MDGA2: variants seen among roughly 807,000 people sequenced by gnomAD.
MDGA2 encodes the protein MAM domain containing glycosylphosphatidylinositol anchor 2, also known as MAM domain-containing glycosylphosphatidylinositol anchor protein 2.
A neutral mutation model predicts 117.8 loss-of-function variants in MDGA2; 40 were observed. The observed-to-expected ratio is 0.34, with a 90% CI of 0.26 to 0.44. The LOEUF is 0.44. MDGA2 is among the 20% of genes least tolerant of loss of function. MDGA2 has a pLI of 1.00. For missense variants in MDGA2, 1,123 were observed against 1,250.6 expected (o/e 0.90, Z 1.54); for synonymous variants, 452 against 439.0 (o/e 1.03, Z -0.37).
At chr14:47,321,448 G>A (rs1230522265) in intron 1 of MDGA2, among the ~76,000 whole-genome samples, 2 of 152,212 alleles carry the variant, frequency 1.3e-5, no homozygotes, top group Non-Finnish European at 2.9e-5. Flanking sequence ...AACATTGATT[G>A]CCCTAAAGGC....
chr14:47,506,752 C>T (rs1034465234), intron 1 of MDGA2, among the ~76,000 whole-genome samples: 23 of 152,140 alleles, frequency 1.5e-4, no homozygotes, highest in African/African-American at 4.3e-4. Flanking sequence ...GGGCAGCTCA[C>T]GCCTGTAATC....
At chr14:47,621,049 A>C (rs1897041093) in intron 1 of MDGA2, among the ~76,000 whole-genome samples, 1 of 152,114 alleles carries the variant, frequency 6.6e-6, no homozygotes, top group Non-Finnish European at 1.5e-5. Flanking sequence ...AATCCTTTGA[A>C]ATTTTGGTCA....
intron 1 of MDGA2, among the ~76,000 whole-genome samples, chr14:47,569,085 TTTG>T (rs1369259938): frequency 3.9e-5 from 6 of 152,194 alleles, no homozygotes; most frequent in African/African-American, 1.4e-4. Context: ...TGTGGAGTTT[TTTG>T]TTTTTAATAC....
chr14:47,669,799 C>A (rs1898042011), intron 1 of MDGA2, among the ~76,000 whole-genome samples: 1 of 152,028 alleles, frequency 6.6e-6, no homozygotes, highest in South Asian at 2.1e-4. Context: ...GACTAACACC[C>A]TAAATATGGT....
At chr14:47,567,638 C>T (rs1251646380) in intron 1 of MDGA2, among the ~76,000 whole-genome samples, 1 of 152,140 alleles carries the variant, frequency 6.6e-6, no homozygotes, top group Non-Finnish European at 1.5e-5. Context: ...TCTGGGGTAG[C>T]TGCTATCATC....
At chr14:47,416,256 C>T (rs899837997) in intron 1 of MDGA2, among the ~76,000 whole-genome samples, 1 of 151,880 alleles carries the variant, frequency 6.6e-6, no homozygotes, top group African/African-American at 2.4e-5. Flanking sequence ...CATGATACAA[C>T]AGTGAAACAG....
At chr14:46,897,072 T>C (rs2172237) in intron 10 of MDGA2, among the ~76,000 whole-genome samples, 87,767 of 151,998 alleles carry the variant, frequency 0.58, 27,784 homozygotes, top group Admixed American at 0.72. Context: ...AAATCGATAA[T>C]TGAACCAATC....
Position 47,152,311 on chromosome 14 carries a change from T to C in MDGA2, c.596-8037A>G, listed in dbSNP as rs189618759. ...GCCCAGTTTTACTTTGCAATATTTT[T>C]TTGAGTTTCTATTAATCTCAACATG... On this transcript the variant is annotated intron_variant, in intron 3 of 16. Transcript: ENST00000399232. Among the ~76,000 whole-genome samples, 57 of 152,292 alleles carry C rather than the reference T, an allele frequency of 3.7e-4. 1 individual carries two copies. The East Asian group carries it at 6.7e-3, about 18-fold the overall frequency.
intron 8 of MDGA2, among the ~76,000 whole-genome samples, chr14:47,030,687 T>C (rs761412125): frequency 2.0e-5 from 3 of 152,128 alleles, no homozygotes; most frequent in Non-Finnish European, 4.4e-5. Context: ...AAAAATTGTA[T>C]TATCATTCCA....
chr14:47,394,336 T>G (rs1344244994), intron 1 of MDGA2, among the ~76,000 whole-genome samples: 3 of 152,164 alleles, frequency 2.0e-5, no homozygotes, highest in Non-Finnish European at 4.4e-5. Context: ...CAAAGCTTCT[T>G]GACTTAGAAC....
intron 1 of MDGA2, among the ~76,000 whole-genome samples, chr14:47,321,491 C>T (rs1291120384): frequency 6.6e-6 from 1 of 152,188 alleles, no homozygotes; most frequent in African/African-American, 2.4e-5. Context: ...ACCTGCTCAG[C>T]TTGTCAACAT....
At chr14:47,363,928 G>T (rs1356263119) in intron 1 of MDGA2, among the ~76,000 whole-genome samples, 1 of 152,050 alleles carries the variant, frequency 6.6e-6, no homozygotes, top group Non-Finnish European at 1.5e-5. Flanking sequence ...CTTTTACTTT[G>T]CATTTTAAAA....
chr14:47,418,319 C>G (rs754092508), intron 1 of MDGA2, among the ~76,000 whole-genome samples: 1 of 151,980 alleles, frequency 6.6e-6, no homozygotes, highest in African/African-American at 2.4e-5. Flanking sequence ...CTCCTGACCT[C>G]AAATGATCTG....
intron 1 of MDGA2, among the ~76,000 whole-genome samples, chr14:47,671,592 C>G (rs1203195180): frequency 6.6e-6 from 1 of 152,164 alleles, no homozygotes; most frequent in Non-Finnish European, 1.5e-5. Flanking sequence ...CTAGAAAACA[C>G]TATTGAGAAA....
chr14:47,307,694 A>T (rs909243521), intron 1 of MDGA2, among the ~76,000 whole-genome samples: 13 of 151,356 alleles, frequency 8.6e-5, no homozygotes, highest in Admixed American at 7.2e-4. Context: ...TGGGGGGGAA[A>T]AAAAAAGGCA....
intron 1 of MDGA2, among the ~76,000 whole-genome samples, chr14:47,624,090 T>G (rs1253758209): frequency 6.6e-6 from 1 of 152,216 alleles, no homozygotes; most frequent in African/African-American, 2.4e-5. Context: ...TTGTTTTAAT[T>G]TAATCATTGT....
chr14:47,110,764 A>G (rs753908024), intron 5 of MDGA2, among the ~76,000 whole-genome samples: 1 of 152,198 alleles, frequency 6.6e-6, no homozygotes, highest in Non-Finnish European at 1.5e-5. Context: ...AGTTTTTATC[A>G]TGATTAGGAA....
chr14:47,015,455 A>G (rs1196423650), intron 8 of MDGA2, among the ~76,000 whole-genome samples: 1 of 152,112 alleles, frequency 6.6e-6, no homozygotes, highest in Admixed American at 6.5e-5. Flanking sequence ...GTAAAAAAAA[A>G]AAGGAAGGAG....
In MDGA2 at chr14:47,597,845, T is replaced by TACACACACACAC. The variant is rs35221587; in HGVS notation, c.280+76660_280+76671dup. On this transcript the variant is annotated intron_variant, in intron 1 of 16. Transcript: ENST00000399232. ...CACAGAGACGCACACCACACACACA[T>TACACACACACAC]ACACACACACACACACACACACACA... Among the ~76,000 whole-genome samples, 674 of 141,354 alleles carry TACACACACACAC rather than the reference T, an allele frequency of 4.8e-3. 7 individuals are homozygous for TACACACACACAC. Among genetic ancestry groups the TACACACACACAC allele is most frequent in the African/African-American group, 0.017 (636 of 37,956 alleles). 92.7% of individuals were successfully genotyped at this position (141,354 alleles called of 152,430 possible).
Sources: allele counts gnomAD v4.1 joint callset (sites outside exome capture counted in the v4.1 genomes callset), GRCh38; gene constraint gnomAD v4.1.1; transcripts MANE v1.5; gene names NCBI Gene and HGNC (gene_info 2026-07-23, HGNC 2026-07-21).